The following FAM13A variants were observed in gnomAD, a reference collection of about 807,000 sequenced individuals.
The protein encoded by FAM13A is family with sequence similarity 13 member A, also known as protein FAM13A.
A neutral mutation model predicts 129.6 loss-of-function variants in FAM13A; 76 were observed. The observed-to-expected ratio is 0.59, with a 90% CI of 0.49 to 0.71. FAM13A has a LOEUF of 0.71. Ranked by LOEUF, FAM13A falls within the 30% of genes least tolerant of loss-of-function variation. FAM13A has a pLI of 0.00. For synonymous variants in FAM13A, 443 were observed against 449.9 expected (o/e 0.98, Z 0.20); for missense variants, 1,108 against 1,249.3 (o/e 0.89, Z 1.70).
intron 5 of FAM13A, among the ~76,000 whole-genome samples, chr4:88,908,621 C>G (rs1748544898): frequency 6.6e-6 from 1 of 152,112 alleles, no homozygotes; most frequent in African/African-American, 2.4e-5. Flanking sequence ...AGCATTTTTT[C>G]TAAACTTCTA....
In FAM13A at chr4:89,020,452, G is replaced by T. The variant is rs201625431; in HGVS notation, c.427+8C>A. 4 of 1,606,946 alleles carry T rather than the reference G, an allele frequency of 2.5e-6. No individual in the cohort carries two copies. The Admixed American group carries it at 6.7e-5, about 27-fold the overall frequency. The stretch of plus-strand genomic sequence containing the variant: ...GTTTTAACTCCTAAAAGGATTTATT[G>T]TACTAACCCTGAAAGAGTTGAATGA... On this transcript the variant is annotated splice_region_variant and intron_variant, in intron 3 of 23. Transcript: ENST00000264344.
At chr4:88,754,445 A>T (rs1007663631) in intron 14 of FAM13A, among the ~76,000 whole-genome samples, 2 of 152,110 alleles carry the variant, frequency 1.3e-5, no homozygotes, top group Non-Finnish European at 2.9e-5. Context: ...ACAAAAGAAA[A>T]CCGGGTACTG....
chr4:88,902,170 C>T (rs2150212821), intron 6 of FAM13A, among the ~76,000 whole-genome samples: 1 of 152,182 alleles, frequency 6.6e-6, no homozygotes, highest in Middle Eastern at 3.4e-3. Context: ...CTGAATTCTA[C>T]CAGAGGTACA....
At chr4:89,012,632 T>TGGA (rs1765885750) in intron 3 of FAM13A, among the ~76,000 whole-genome samples, 1 of 152,204 alleles carries the variant, frequency 6.6e-6, no homozygotes, top group South Asian at 2.1e-4. Context: ...TTTTCTCCCA[T>TGGA]GGAGGGCCAC....
At chr4:88,944,018 C>G (rs1755214584) in intron 4 of FAM13A, among the ~76,000 whole-genome samples, 1 of 152,090 alleles carries the variant, frequency 6.6e-6, no homozygotes. Flanking sequence ...AATTCAAAAA[C>G]TATACTATGT....
At chr4:88,808,511 A>G (rs1729029343) in intron 7 of FAM13A, among the ~76,000 whole-genome samples, 1 of 152,122 alleles carries the variant, frequency 6.6e-6, no homozygotes, top group African/African-American at 2.4e-5. Context: ...CCTAAACTCT[A>G]ACTTGAGCAT....
At chr4:89,045,949 G>C (rs1770787465) in intron 1 of FAM13A, among the ~76,000 whole-genome samples, 2 of 151,600 alleles carry the variant, frequency 1.3e-5, no homozygotes, top group East Asian at 1.9e-4. Flanking sequence ...CCTTGAACCT[G>C]GGAGGCGGAG....
intron 4 of FAM13A, among the ~76,000 whole-genome samples, chr4:88,970,085 A>T (rs950486057): frequency 6.6e-6 from 1 of 152,228 alleles, no homozygotes. Flanking sequence ...CTCAATAAAT[A>T]TCTGCTGAAT....
At chr4:89,025,263 T>TG (rs1560852119) in intron 2 of FAM13A, among the ~76,000 whole-genome samples, 2 of 125,864 alleles carry the variant, frequency 1.6e-5, no homozygotes, top group Non-Finnish European at 3.5e-5. Flanking sequence ...TTTTTTTTTT[T>TG]TTTTTTTTTT....
At chr4:88,732,458 T>C (rs1032210503) in intron 21 of FAM13A, 10 of 303,614 alleles carry the variant, frequency 3.3e-5, no homozygotes, top group Non-Finnish European at 5.4e-5. Context: ...GTACATCATG[T>C]TAATAGTTGT....
At chr4:88,828,226 T>C (rs1338366677) in intron 7 of FAM13A, among the ~76,000 whole-genome samples, 1 of 152,216 alleles carries the variant, frequency 6.6e-6, no homozygotes, top group African/African-American at 2.4e-5. Context: ...CTGCAGCCTT[T>C]ACCTCCTGGG....
chr4:88,995,377 G>C (rs1763421073), intron 3 of FAM13A, among the ~76,000 whole-genome samples: 1 of 152,132 alleles, frequency 6.6e-6, no homozygotes, highest in African/African-American at 2.4e-5. Flanking sequence ...ATTTGAGTCA[G>C]TGGACTGGGA....
At chr4:88,957,833 C>G (rs1757988483) in intron 4 of FAM13A, among the ~76,000 whole-genome samples, 1 of 152,180 alleles carries the variant, frequency 6.6e-6, no homozygotes, top group African/African-American at 2.4e-5. Flanking sequence ...TAGCAAGGAA[C>G]TTGGCTGCAC....
At chr4:88,777,597 A>G (rs1024734839) in intron 11 of FAM13A, among the ~76,000 whole-genome samples, 2 of 152,170 alleles carry the variant, frequency 1.3e-5, no homozygotes, top group Non-Finnish European at 2.9e-5. Context: ...GCTGGTCATG[A>G]TATCCTCGGG....
intron 7 of FAM13A, among the ~76,000 whole-genome samples, chr4:88,813,875 C>T (rs555183123): frequency 2.6e-5 from 4 of 152,250 alleles, no homozygotes; most frequent in South Asian, 2.1e-4. Flanking sequence ...TCCACAACCA[C>T]GGGCAGGTGC....
chr4:88,955,457 G>A (rs572627723), intron 4 of FAM13A, among the ~76,000 whole-genome samples: 26 of 152,194 alleles, frequency 1.7e-4, no homozygotes, highest in Admixed American at 9.8e-4. Flanking sequence ...TATTAGCAGC[G>A]TGAGAACAAA....
At chr4:88,920,663 C>T (rs532367966) in intron 5 of FAM13A, among the ~76,000 whole-genome samples, 98 of 152,284 alleles carry the variant, frequency 6.4e-4, no homozygotes, top group Admixed American at 1.4e-3. Flanking sequence ...TCCAAAAGAA[C>T]GCAGTTCCTC....
intron 7 of FAM13A, among the ~76,000 whole-genome samples, chr4:88,838,287 G>A (rs570482338): frequency 6.6e-6 from 1 of 152,206 alleles, no homozygotes; most frequent in South Asian, 2.1e-4. Flanking sequence ...ATTTGTAACA[G>A]CTTATTTTAT....
At chr4:88,930,913 G>A (rs1447527469) in intron 5 of FAM13A, among the ~76,000 whole-genome samples, 2 of 152,168 alleles carry the variant, frequency 1.3e-5, no homozygotes, top group Non-Finnish European at 2.9e-5. Context: ...AGGAGAGCTT[G>A]CTCTTTCCTG....
Sources: gnomAD v4.1 joint callset for allele counts (sites outside exome capture counted in the v4.1 genomes callset) on GRCh38, gnomAD v4.1.1 for gene constraint, MANE v1.5 for transcripts, NCBI Gene and HGNC (gene_info 2026-07-23, HGNC 2026-07-21) for gene names.